Variants in PLXDC2 observed in about 807,000 individuals in gnomAD.
PLXDC2 encodes the protein plexin domain-containing protein 2.
Under a neutral mutation model 68.9 loss-of-function variants are expected in PLXDC2, and 40 were observed. The ratio of observed to expected loss-of-function variants is 0.58; its 90% CI spans 0.45 to 0.76. The LOEUF is 0.76. Among genes scored for constraint, PLXDC2 ranks in the 30% least tolerant of loss-of-function variants. The pLI, the probability that PLXDC2 is intolerant of heterozygous loss-of-function variation, is 0.00. For missense variants in PLXDC2, 644 were observed against 661.9 expected (o/e 0.97, Z 0.30); for synonymous variants, 243 against 234.2 (o/e 1.04, Z -0.34).
chr10:20,062,077 A>G (rs779667465), intron 3 of PLXDC2, among the ~76,000 whole-genome samples: 1 of 152,222 alleles, frequency 6.6e-6, no homozygotes, highest in Non-Finnish European at 1.5e-5. Context: ...TCCTTATGAT[A>G]ATCTTTCGAA....
intron 1 of PLXDC2, among the ~76,000 whole-genome samples, chr10:19,922,819 A>G (rs1381835895): frequency 6.6e-6 from 1 of 152,230 alleles, no homozygotes; most frequent in East Asian, 1.9e-4. Flanking sequence ...CTTCAAGGCA[A>G]TGAAAGCTCA....
At chr10:20,210,291 GTTATA>G (rs1234627154) in intron 9 of PLXDC2, among the ~76,000 whole-genome samples, 1 of 152,048 alleles carries the variant, frequency 6.6e-6, no homozygotes, top group Non-Finnish European at 1.5e-5. Context: ...TATAATAAAA[GTTATA>G]TTAATGTGAT....
At chr10:19,942,574 C>T (rs1412168096) in intron 1 of PLXDC2, among the ~76,000 whole-genome samples, 1 of 152,064 alleles carries the variant, frequency 6.6e-6, no homozygotes, top group African/African-American at 2.4e-5. Context: ...ACCACCTTGG[C>T]CAACACGGTG....
chr10:20,101,053 T>A (rs2131739178), intron 4 of PLXDC2, among the ~76,000 whole-genome samples: 1 of 152,306 alleles, frequency 6.6e-6, no homozygotes, highest in East Asian at 1.9e-4. Flanking sequence ...CTTCTTTTCT[T>A]TTTAAAATTT....
At chr10:19,903,593 T>C (rs1838193999) in intron 1 of PLXDC2, among the ~76,000 whole-genome samples, 1 of 152,052 alleles carries the variant, frequency 6.6e-6, no homozygotes, top group African/African-American at 2.4e-5. Flanking sequence ...GCTAATGGTC[T>C]ATCAATTTTA....
chr10:19,869,430 A>G (rs1837489033), intron 1 of PLXDC2, among the ~76,000 whole-genome samples: 1 of 133,230 alleles, frequency 7.5e-6, no homozygotes, highest in Non-Finnish European at 1.6e-5. Context: ...CCAGAAAGAA[A>G]GAAAGAAAGA....
intron 9 of PLXDC2, among the ~76,000 whole-genome samples, chr10:20,189,236 G>A (rs1834726898): frequency 6.7e-6 from 1 of 150,352 alleles, no homozygotes; most frequent in African/African-American, 2.4e-5. Flanking sequence ...TAACATAAAA[G>A]CATTTTGAAA....
chr10:19,946,966 C>T (rs539212100), intron 1 of PLXDC2, among the ~76,000 whole-genome samples: 6 of 152,240 alleles, frequency 3.9e-5, no homozygotes, highest in Non-Finnish European at 5.9e-5. Flanking sequence ...TAACAAACCA[C>T]GGACCTATAC....
intron 1 of PLXDC2, among the ~76,000 whole-genome samples, chr10:19,825,537 G>T (rs1341114250): frequency 6.6e-6 from 1 of 151,974 alleles, no homozygotes; most frequent in East Asian, 1.9e-4. Context: ...AATGTTTTTT[G>T]GGTAGTAGTT....
At chr10:20,036,713 C>T (rs79889487) in intron 2 of PLXDC2, among the ~76,000 whole-genome samples, 2,686 of 152,094 alleles carry the variant, frequency 0.018, 75 homozygotes, top group African/African-American at 0.061. Flanking sequence ...GCATTTTACC[C>T]ACCACAATTA....
chr10:20,205,029 TTAC>T, intron 9 of PLXDC2, among the ~76,000 whole-genome samples: 1 of 152,212 alleles, frequency 6.6e-6, no homozygotes, highest in Non-Finnish European at 1.5e-5. Flanking sequence ...CTTTTAACAT[TTAC>T]TCTATTTCCT....
chr10:19,893,804 A>C (rs1004484361), intron 1 of PLXDC2, among the ~76,000 whole-genome samples: 1 of 152,174 alleles, frequency 6.6e-6, no homozygotes, highest in Non-Finnish European at 1.5e-5. Context: ...ATGACAACTC[A>C]TGTCTCCTCA....
intron 3 of PLXDC2, among the ~76,000 whole-genome samples, chr10:20,066,682 A>C (rs1367763023): frequency 6.6e-6 from 1 of 152,224 alleles, no homozygotes; most frequent in Non-Finnish European, 1.5e-5. Flanking sequence ...GCTTGCATTA[A>C]AAAGAAAACC....
intron 1 of PLXDC2, among the ~76,000 whole-genome samples, chr10:19,849,492 T>G (rs1347728656): frequency 6.6e-6 from 1 of 152,138 alleles, no homozygotes; most frequent in Non-Finnish European, 1.5e-5. Context: ...TGTCAGAGGA[T>G]ATTAGATTAT....
At chr10:20,097,169 C>T (rs572884211) in intron 4 of PLXDC2, among the ~76,000 whole-genome samples, 133 of 152,080 alleles carry the variant, frequency 8.7e-4, no homozygotes, top group African/African-American at 2.6e-3. Context: ...GTATATGTAA[C>T]GCAGTTGAAG....
At chr10:20,048,201 C>G (rs959875432) in intron 3 of PLXDC2, among the ~76,000 whole-genome samples, 7 of 151,994 alleles carry the variant, frequency 4.6e-5, no homozygotes, top group Non-Finnish European at 8.8e-5. Flanking sequence ...AGTGGTCTTC[C>G]TTGTTTATAT....
chr10:20,220,932 T>G lies in PLXDC2; in HGVS notation c.1312+1830T>G, dbSNP rs1835202852. Among the ~76,000 whole-genome samples, 5 of 150,234 alleles carry G rather than the reference T, an allele frequency of 3.3e-5. No homozygotes were observed. In the Admixed American group the frequency reaches 3.4e-4, roughly 10 times the overall value. On this transcript the variant is annotated intron_variant, in intron 12 of 13. Coordinates refer to ENST00000377252, the MANE Select transcript of PLXDC2 (RefSeq NM_032812.9). ...ATCTCAGCTCACTGCAACCTCCGTC[T>G]CCTGGGTTCAAGCAATTCTCCTATC...
chr10:20,094,319 G>T (rs1450876223), intron 4 of PLXDC2, among the ~76,000 whole-genome samples: 1 of 152,094 alleles, frequency 6.6e-6, no homozygotes, highest in Non-Finnish European at 1.5e-5. Context: ...CAGAATTATT[G>T]CTTTAACTCT....
intron 4 of PLXDC2, among the ~76,000 whole-genome samples, chr10:20,140,676 A>G (rs1833994648): frequency 6.6e-6 from 1 of 152,084 alleles, no homozygotes; most frequent in Non-Finnish European, 1.5e-5. Context: ...AATTAAGGAG[A>G]ACTAGGTAAA....
Sources: allele counts gnomAD v4.1 joint callset (sites outside exome capture counted in the v4.1 genomes callset), GRCh38; gene constraint gnomAD v4.1.1; transcripts MANE v1.5; gene names NCBI Gene and HGNC (gene_info 2026-07-23, HGNC 2026-07-21).